The following FBXO42 variants were observed in gnomAD, a reference collection of about 807,000 sequenced individuals.
FBXO42 encodes the protein F-box only protein 42.
Under a neutral mutation model 71.7 loss-of-function variants are expected in FBXO42, and 12 were observed. The observed-to-expected ratio is 0.17, with a 90% CI of 0.11 to 0.27. The LOEUF (loss-of-function observed/expected upper bound fraction) is 0.27. Among genes scored for constraint, FBXO42 ranks in the 10% least tolerant of loss-of-function variants. The probability of loss-of-function intolerance (pLI) is 1.00; values close to 1 mark genes in which losing one functional copy is unlikely to be tolerated. For missense variants in FBXO42, 707 were observed against 911.9 expected (o/e 0.78, Z 2.89); for synonymous variants, 325 against 327.5 (o/e 0.99, Z 0.08).
intron 1 of FBXO42, among the ~76,000 whole-genome samples, chr1:16,345,134 A>T (rs1183025683): frequency 1.3e-5 from 2 of 150,874 alleles, no homozygotes; most frequent in East Asian, 2.0e-4. Context: ...ATATATATAT[A>T]TTTTCTGAGC....
chr1:16,296,697 CA>C (rs1169226683), intron 3 of FBXO42, among the ~76,000 whole-genome samples: 2 of 150,856 alleles, frequency 1.3e-5, no homozygotes, highest in African/African-American at 4.9e-5. Context: ...ACAAGAAATT[CA>C]CAGATTCATT....
At position 16,269,946 on chromosome 1, in the gene FBXO42, C is replaced by T. The variant is rs184200954; in HGVS notation, c.503-13187G>A. ...CTCAATCTCACTGCAACCTCCGCCT[C>T]CCAGGCTCAAGTGATCTTCCCACAT... On this transcript the variant is annotated intron_variant, in intron 4 of 9. Coordinates refer to ENST00000375592, the MANE Select transcript of FBXO42 (RefSeq NM_018994.3). 1.6e-4 allele frequency among the ~76,000 whole-genome samples: 24 copies of T among 152,258 alleles called. No homozygotes were observed. The East Asian group carries it at 4.4e-3, about 28-fold the overall frequency.
At chr1:16,348,019 AAAAG>A (rs2082666655) in intron 1 of FBXO42, among the ~76,000 whole-genome samples, 1 of 151,564 alleles carries the variant, frequency 6.6e-6, no homozygotes, top group South Asian at 2.1e-4. Flanking sequence ...AGAAAAAAAG[AAAAG>A]AAAGACTTGC....
At chr1:16,310,953 AAC>A (rs1003237287) in intron 2 of FBXO42, among the ~76,000 whole-genome samples, 14 of 146,990 alleles carry the variant, frequency 9.5e-5, no homozygotes, top group African/African-American at 3.5e-4. Context: ...CAGCCTGGGC[AAC>A]AGAGCCGGAC....
intron 1 of FBXO42, among the ~76,000 whole-genome samples, chr1:16,345,514 C>A (rs1302650388): frequency 6.6e-6 from 1 of 151,808 alleles, no homozygotes; most frequent in African/African-American, 2.4e-5. Context: ...CAATGAGCAT[C>A]CCTAGCACAC....
chr1:16,345,497 C>G (rs2082647712), intron 1 of FBXO42, among the ~76,000 whole-genome samples: 1 of 151,600 alleles, frequency 6.6e-6, no homozygotes, highest in Non-Finnish European at 1.5e-5. Context: ...CAATGAAGAC[C>G]CTGTAGCAAT....
chr1:16,290,234 T>G lies in FBXO42; in HGVS notation c.502+4549A>C, dbSNP rs570127599. ...CTAAAGACAAGATTTCACTGGGAAA[T>G]TACATTAATTCCAACTGGTATAGAT... On this transcript the variant is annotated intron_variant, in intron 4 of 9. Transcript: ENST00000375592. Among the ~76,000 whole-genome samples the G allele has an allele frequency of 3.3e-5, 5 of 152,284 alleles. No homozygotes were observed. The East Asian group carries it at 9.7e-4, about 29-fold the overall frequency.
intron 1 of FBXO42, among the ~76,000 whole-genome samples, chr1:16,345,941 T>C (rs996169861): frequency 1.3e-5 from 2 of 151,832 alleles, no homozygotes; most frequent in African/African-American, 2.4e-5. Context: ...CGGGATAGCT[T>C]GTTGTGACAA....
At chr1:16,348,690 G>C (rs2082674206) in intron 1 of FBXO42, among the ~76,000 whole-genome samples, 1 of 152,100 alleles carries the variant, frequency 6.6e-6, no homozygotes, top group Non-Finnish European at 1.5e-5. Context: ...GATAGAGCAA[G>C]ACTTGGTCTC....
At chr1:16,285,967 A>C (rs1358290862) in intron 4 of FBXO42, among the ~76,000 whole-genome samples, 2 of 152,154 alleles carry the variant, frequency 1.3e-5, no homozygotes, top group African/African-American at 4.8e-5. Context: ...TCCTGGACTC[A>C]GGTGATCCTC....
At chr1:16,293,874 T>C (rs908663917) in intron 4 of FBXO42, 1 of 152,206 alleles carries the variant, frequency 6.6e-6, no homozygotes, top group African/African-American at 2.4e-5. Context: ...ACATGGAGAA[T>C]TGGTGACTAT....
At chr1:16,311,777 G>C (rs1370305737) in intron 2 of FBXO42, among the ~76,000 whole-genome samples, 2 of 151,954 alleles carry the variant, frequency 1.3e-5, no homozygotes, top group Non-Finnish European at 2.9e-5. Context: ...AGTACAAAAT[G>C]GTTCAGCCAC....
intron 4 of FBXO42, among the ~76,000 whole-genome samples, chr1:16,281,656 TTTTC>T (rs1374134433): frequency 4.7e-5 from 7 of 150,288 alleles, no homozygotes; most frequent in African/African-American, 9.8e-5. Context: ...TTCTTTTTCT[TTTTC>T]TTTCTTTTTT....
intron 1 of FBXO42, among the ~76,000 whole-genome samples, chr1:16,327,615 A>G (rs1376696122): frequency 6.6e-6 from 1 of 152,224 alleles, no homozygotes; most frequent in East Asian, 1.9e-4. Flanking sequence ...TTAAAATCCA[A>G]GTAACACAGA....
chr1:16,247,452 AGAAAG>A lies in FBXO42; in HGVS notation c.*3213_*3217del, dbSNP rs1423963495. 2 of 152,286 alleles carry A rather than the reference AGAAAG, an allele frequency of 1.3e-5. No homozygotes were observed. Among genetic ancestry groups the A allele is most frequent in the African/African-American group, 4.8e-5 (2 of 41,460 alleles). 9.4% of individuals were successfully genotyped at this position (152,286 alleles called of 1,614,324 possible). Reference sequence around the variant, plus strand: ...AGGAAACCCAGAATGACAAGGTGAAAGAAAGGAAAGGGAAACATCTCTTTGTTCTC... The same window carrying A: ...AGGAAACCCAGAATGACAAGGTGAAAGAAAGGGAAACATCTCTTTGTTCTC... On this transcript the variant is annotated 3_prime_UTR_variant, in exon 10 of 10. Coordinates refer to ENST00000375592, the MANE Select transcript of FBXO42 (RefSeq NM_018994.3).
chr1:16,347,901 A>T (rs2082665136), intron 1 of FBXO42, among the ~76,000 whole-genome samples: 1 of 151,110 alleles, frequency 6.6e-6, no homozygotes, highest in Non-Finnish European at 1.5e-5. Context: ...AGGCAGGAGA[A>T]TGGCGTGAAC....
chr1:16,257,642 T>C (rs538893554), intron 4 of FBXO42, among the ~76,000 whole-genome samples: 1 of 152,362 alleles, frequency 6.6e-6, no homozygotes, highest in South Asian at 2.1e-4. Context: ...AAGACCAAAG[T>C]AACTTGTCCC....
At chr1:16,255,006 C>A (rs539827358) in intron 6 of FBXO42, among the ~76,000 whole-genome samples, 1 of 152,202 alleles carries the variant, frequency 6.6e-6, no homozygotes, top group Non-Finnish European at 1.5e-5. Flanking sequence ...GGAGGGCCCA[C>A]CATTTCCACT....
At chr1:16,338,804 CTTTTTTTTTT>C (rs71574177) in intron 1 of FBXO42, among the ~76,000 whole-genome samples, 4 of 80,986 alleles carry the variant, frequency 4.9e-5, no homozygotes, top group Non-Finnish European at 6.8e-5. Flanking sequence ...TTCCATTTGT[CTTTTTTTTTT>C]TTTTTTTTTT....
Sources: allele counts gnomAD v4.1 joint callset (sites outside exome capture counted in the v4.1 genomes callset), GRCh38; gene constraint gnomAD v4.1.1; transcripts MANE v1.5; gene names NCBI Gene and HGNC (gene_info 2026-07-23, HGNC 2026-07-21).